The following CLEC16A variants were observed in gnomAD, a reference collection of about 807,000 sequenced individuals.
The protein encoded by CLEC16A is C-type lectin domain containing 16A.
A neutral mutation model predicts 109.5 loss-of-function variants in CLEC16A; 51 were observed. The observed-to-expected ratio is 0.47, with a 90% CI of 0.37 to 0.59. The LOEUF (loss-of-function observed/expected upper bound fraction) is 0.59, where lower values mean the gene tolerates loss of function less well. Among genes scored for constraint, CLEC16A ranks in the 20% least tolerant of loss-of-function variants. CLEC16A has a pLI of 0.00. For synonymous variants in CLEC16A, 673 were observed against 564.2 expected (o/e 1.19, Z -2.73); for missense variants, 1,339 against 1,394.0 (o/e 0.96, Z 0.63).
intron 5 of CLEC16A, 183 bp downstream of exon 5, chr16:10,971,413 C>T (rs2042780479): frequency 8.6e-6 from 4 of 463,120 alleles, no homozygotes; most frequent in African/African-American, 8.5e-5. Flanking sequence ...CATGGAAATC[C>T]TTGCCTTCTC....
At chr16:11,069,855 T>C (rs551893447) in intron 19 of CLEC16A, among the ~76,000 whole-genome samples, 9 of 152,310 alleles carry the variant, frequency 5.9e-5, no homozygotes, top group African/African-American at 1.7e-4. Flanking sequence ...GTATGAGTTA[T>C]TATAAGTAAT....
At chr16:11,126,322 A>C in intron 22 of CLEC16A, 176 bp downstream of exon 22, 1 of 1,493,452 alleles carries the variant, frequency 6.7e-7, no homozygotes, top group Non-Finnish European at 8.9e-7. Flanking sequence ...CAGCCCCCAA[A>C]ATAAATTTTG....
chr16:10,984,508 A>G (rs538406482), intron 10 of CLEC16A, among the ~76,000 whole-genome samples: 1 of 152,298 alleles, frequency 6.6e-6, no homozygotes, highest in East Asian at 1.9e-4. Flanking sequence ...TACAGTAGAG[A>G]GGTGGACATG....
At position 11,042,283 on chromosome 16, in the gene CLEC16A, C is replaced by T; in HGVS notation, c.1690C>T (p.Leu564=). 6.3e-7 allele frequency: 1 copy of T among 1,588,052 alleles called. No individual in the cohort carries two copies. ...GAAGATCCGGCTGGCGACGCTGGAG[C>T]TGAGCTGCCTGCTTCTGAAGCAGCA... The part of the protein sequence containing the change: ...DGKIRLATLE[L]SCLLLKQQVL... Residue 564 remains leucine (L), a synonymous_variant, in exon 15 of 24, where the codon CTG becomes TTG. Transcript: ENST00000409790.
chr16:10,996,749 T>C (rs140409332), intron 10 of CLEC16A, among the ~76,000 whole-genome samples: 23 of 151,654 alleles, frequency 1.5e-4, no homozygotes, highest in African/African-American at 5.1e-4. Context: ...GACTGTGGGC[T>C]CTGAGAGGGG....
In CLEC16A at chr16:11,042,249, T is replaced by C. The variant is rs201984056; in HGVS notation, c.1661-5T>C. ...GTGCAAGGCTTACCCTGGTGTGCTC[T>C]GCAGATGGGAAGATCCGGCTGGCGA... On this transcript the variant is annotated splice_region_variant and splice_polypyrimidine_tract_variant and intron_variant, in intron 14 of 23. Coordinates refer to ENST00000409790, the MANE Select transcript of CLEC16A (RefSeq NM_015226.3). 4 of 1,571,178 alleles carry C rather than the reference T, an allele frequency of 2.5e-6. No homozygotes were observed. Among genetic ancestry groups the C allele is most frequent in the Non-Finnish European group, 3.5e-6 (4 of 1,158,178 alleles).
chr16:10,960,272 A>T (rs1285579710), intron 2 of CLEC16A, among the ~76,000 whole-genome samples: 1 of 152,076 alleles, frequency 6.6e-6, no homozygotes, highest in African/African-American at 2.4e-5. Flanking sequence ...ATGTTCCCAT[A>T]GTACATTTTG....
At chr16:11,091,729 G>A (rs1019821575) in intron 19 of CLEC16A, among the ~76,000 whole-genome samples, 7 of 152,182 alleles carry the variant, frequency 4.6e-5, no homozygotes, top group Admixed American at 3.3e-4. Flanking sequence ...CTTTGAGCAC[G>A]ATGCCTGAAA....
chr16:11,073,645 C>T (rs897849056), intron 19 of CLEC16A, among the ~76,000 whole-genome samples: 1 of 152,230 alleles, frequency 6.6e-6, no homozygotes, highest in Admixed American at 6.5e-5. Context: ...CCAGGCTGCT[C>T]ACAGGCTCCT....
rs773546785 is a variant in CLEC16A, at chr16:10,971,136, C to G, written c.504C>G (p.Asp168Glu). ...TTCTTTTGTTTTAGCACACCAATGA[C>G]TTTGCCCTGTACACAGAAGCCATCA... Reference protein sequence around the residue: ...VHFFYNEHTNDFALYTEAIKF... With the variant: ...VHFFYNEHTNEFALYTEAIKF... Residue 168 changes from aspartate to glutamate, a missense_variant, in exon 5 of 24, where the codon GAC (aspartate) becomes GAG (glutamate). Physicochemically the swap from Asp to Glu is conservative, Grantham distance 45. Around this residue, in one of 3 missense-constraint regions of CLEC16A, gnomAD observed 161 missense variants for 267.1 expected, o/e 0.60. Coordinates refer to ENST00000409790, the MANE Select transcript of CLEC16A (RefSeq NM_015226.3). 1.9e-6 allele frequency: 3 copies of G among 1,611,716 alleles called. No homozygotes were observed. The highest frequency in any genetic ancestry group is 1.1e-5 in the South Asian group (1 of 91,008).
At chr16:11,109,248 C>A (rs1316086643) in intron 19 of CLEC16A, among the ~76,000 whole-genome samples, 1 of 151,518 alleles carries the variant, frequency 6.6e-6, no homozygotes, top group Non-Finnish European at 1.5e-5. Flanking sequence ...CCAGTGCAAC[C>A]TGGAACTCCA....
chr16:11,002,958 A>G (rs1293184082), intron 10 of CLEC16A, 116 bp from the exon 11 acceptor site: 5 of 746,108 alleles, frequency 6.7e-6, no homozygotes, highest in African/African-American at 1.8e-5. Context: ...ATCTTATGAT[A>G]TAATGGTTTC....
intron 1 of CLEC16A, among the ~76,000 whole-genome samples, chr16:10,952,074 A>C (rs955171882): frequency 2.6e-5 from 4 of 152,244 alleles, no homozygotes; most frequent in Non-Finnish European, 2.9e-5. Flanking sequence ...AAAGAAAAAG[A>C]CCCGAGGAAA....
At chr16:11,077,023 A>G (rs1174809227) in intron 19 of CLEC16A, among the ~76,000 whole-genome samples, 1 of 152,208 alleles carries the variant, frequency 6.6e-6, no homozygotes, top group Non-Finnish European at 1.5e-5. Context: ...CTGAAATCAC[A>G]AGGACTGATC....
chr16:11,048,239 G>A (rs1277247400), intron 17 of CLEC16A: 1 of 152,300 alleles, frequency 6.6e-6, no homozygotes, highest in African/African-American at 2.4e-5. Flanking sequence ...CCTGTTTGCT[G>A]CTCCACTGGA....
At chr16:10,987,362 A>G (rs1201880604) in intron 10 of CLEC16A, among the ~76,000 whole-genome samples, 7 of 152,134 alleles carry the variant, frequency 4.6e-5, no homozygotes, top group Non-Finnish European at 7.4e-5. Flanking sequence ...GTTACTGGCA[A>G]CCTCTCAGTT....
intron 1 of CLEC16A, among the ~76,000 whole-genome samples, chr16:10,948,169 A>AG (rs1300728743): frequency 7.9e-5 from 12 of 152,342 alleles, no homozygotes; most frequent in African/African-American, 2.9e-4. Context: ...CTGGGATTAC[A>AG]GGCATGAGCC....
At chr16:11,101,374 A>G (rs1036798873) in intron 19 of CLEC16A, among the ~76,000 whole-genome samples, 3 of 152,100 alleles carry the variant, frequency 2.0e-5, no homozygotes, top group Non-Finnish European at 2.9e-5. Context: ...CCCAGCCCCA[A>G]CAAAGGACAG....
intron 19 of CLEC16A, among the ~76,000 whole-genome samples, chr16:11,110,153 C>T (rs1215625635): frequency 6.6e-6 from 1 of 152,232 alleles, no homozygotes; most frequent in African/African-American, 2.4e-5. Context: ...TGAGCAGTCC[C>T]TGGCCTCCAA....
Sources: allele counts gnomAD v4.1 joint callset (sites outside exome capture counted in the v4.1 genomes callset), GRCh38; gene constraint gnomAD v4.1.1; regional missense constraint gnomAD v4.1.1; transcripts MANE v1.5; gene names NCBI Gene and HGNC (gene_info 2026-07-23, HGNC 2026-07-21).